Variants in SP100 observed in about 807,000 individuals in gnomAD.
The protein encoded by SP100 is nuclear autoantigen Sp-100.
Under a neutral mutation model 130.0 loss-of-function variants are expected in SP100, and 84 were observed. The ratio of observed to expected loss-of-function variants is 0.65; its 90% CI spans 0.54 to 0.77. SP100 has a LOEUF of 0.77. Ranked by LOEUF, SP100 falls within the 30% of genes least tolerant of loss-of-function variation. The pLI is 0.00. For synonymous variants in SP100, 331 were observed against 351.7 expected (o/e 0.94, Z 0.66); for missense variants, 978 against 1,052.2 (o/e 0.93, Z 0.97).
intron 24 of SP100, among the ~76,000 whole-genome samples, chr2:230,534,007 TTTGA>T (rs1691818428): frequency 6.6e-6 from 1 of 152,204 alleles, no homozygotes; most frequent in Non-Finnish European, 1.5e-5. Context: ...TTATTTACCT[TTTGA>T]ATAACTACAG....
At chr2:230,525,777 C>A (rs1385804971) in intron 24 of SP100, among the ~76,000 whole-genome samples, 1 of 152,260 alleles carries the variant, frequency 6.6e-6, no homozygotes, top group Non-Finnish European at 1.5e-5. Context: ...CCCGCACCCA[C>A]AGAGCCTTGC....
At chr2:230,455,635 G>T (rs2064238674) in intron 8 of SP100, among the ~76,000 whole-genome samples, 1 of 152,054 alleles carries the variant, frequency 6.6e-6, no homozygotes, top group South Asian at 2.1e-4. Flanking sequence ...ATTACTGATA[G>T]GTAAGTACTT....
intron 10 of SP100, 37 bp downstream of exon 10, chr2:230,462,555 G>T: frequency 1.3e-6 from 2 of 1,485,592 alleles, no homozygotes; most frequent in African/African-American, 2.8e-5. Context: ...TGGGCTGTGG[G>T]AATCTGATTT....
At chr2:230,534,586 A>C (rs552189933) in intron 24 of SP100, among the ~76,000 whole-genome samples, 1 of 152,354 alleles carries the variant, frequency 6.6e-6, no homozygotes, top group South Asian at 2.1e-4. Flanking sequence ...AGGTTCCCTG[A>C]AGTTCAAGAG....
chr2:230,460,154 C>T (rs2064510315), intron 8 of SP100, among the ~76,000 whole-genome samples: 1 of 152,120 alleles, frequency 6.6e-6, no homozygotes, highest in Non-Finnish European at 1.5e-5. Flanking sequence ...TCAGCAGAAA[C>T]CAACAGAAAT....
In SP100 at chr2:230,522,606, A is replaced by C. The variant is rs1691228326; in HGVS notation, c.2094+11440A>C. ...TGGGTTCAAGCGATTCTCCTGCCTC[A>C]GCCTCCCGAGTAGCTGGGACTACAG... On this transcript the variant is annotated intron_variant, in intron 24 of 28. Transcript: ENST00000340126. 2.0e-5 allele frequency among the ~76,000 whole-genome samples: 3 copies of C among 147,512 alleles called. No individual in the cohort carries two copies. The Admixed American group carries it at 2.1e-4, about 10-fold the overall frequency.
intron 17 of SP100, among the ~76,000 whole-genome samples, chr2:230,476,785 T>G (rs1391061627): frequency 2.6e-5 from 4 of 152,226 alleles, no homozygotes; most frequent in African/African-American, 7.2e-5. Context: ...CAGGAATTTT[T>G]CATTTATTAT....
chr2:230,438,648 T>TATATATATACAC (rs1246055755), intron 2 of SP100, among the ~76,000 whole-genome samples: 22 of 127,476 alleles, frequency 1.7e-4, no homozygotes, highest in African/African-American at 4.8e-4. Flanking sequence ...TGTATATATA[T>TATATATATACAC]ACACACACAC....
chr2:230,504,293 G>T lies in SP100; in HGVS notation c.1870+3G>T. The T allele has an allele frequency of 6.6e-7, 1 of 1,524,208 alleles. No individual in the cohort carries two copies. Among genetic ancestry groups the T allele is most frequent in the Non-Finnish European group, 9.1e-7 (1 of 1,100,742 alleles). The allele number at this position is 1,524,208 out of a possible 1,614,324, so 94.4% of individuals were successfully genotyped here. A position where few individuals can be genotyped will look rare whatever the true frequency, so the allele number is the denominator to read the frequency against. On this transcript the variant is annotated splice_donor_region_variant and intron_variant, in intron 21 of 28. Transcript: ENST00000340126. ...ATATAAGGAGCGATTCAAACAAGGT[G>T]AGTTTACTGGTCCATCTACGATTTT...
Position 230,541,366 on chromosome 2 carries a change from G to A in SP100, c.2397G>A (p.Pro799=), listed in dbSNP as rs369506321. ...AAAGCTGCTTTTTCGCCTCAGAACC[G>A]TATTATGTAAGTAACAGCCAAACAA... ...DSKSCFFASE[P]YYNREGSQGP... is the part of the protein sequence containing the mutation. Residue 799 remains proline (P), a synonymous_variant, in exon 27 of 29, where the codon CCG becomes CCA. Transcript: ENST00000340126. 1.4e-4 allele frequency: 221 copies of A among 1,613,082 alleles called. No homozygotes were observed. The African/African-American group carries it at 1.6e-3, about 11-fold the overall frequency.
intron 24 of SP100, among the ~76,000 whole-genome samples, chr2:230,520,411 T>C (rs1691116894): frequency 6.6e-6 from 1 of 152,132 alleles, no homozygotes; most frequent in East Asian, 1.9e-4. Flanking sequence ...AGAGCTCCTA[T>C]TTTACACCGC....
At position 230,459,421 on chromosome 2, in the gene SP100, CT is replaced by C. The variant is rs148550497; in HGVS notation, c.821-1840del. Among the ~76,000 whole-genome samples the C allele has an allele frequency of 4.4e-3, 676 of 152,278 alleles. 5 individuals carry two copies. The highest frequency in any genetic ancestry group is 0.015 in the African/African-American group (639 of 41,534). On this transcript the variant is annotated intron_variant, in intron 8 of 28. Coordinates refer to ENST00000340126, the MANE Select transcript of SP100 (RefSeq NM_001080391.2). ...TCCACCCCCAGATTACAATAAGCCT[CT>C]CCTCAGGCATCACTTCCTCTCCATG...
intron 24 of SP100, chr2:230,515,470 A>C: frequency 6.2e-7 from 1 of 1,613,840 alleles, no homozygotes; most frequent in Non-Finnish European, 8.5e-7. Context: ...GAAGGCTGCA[A>C]AGCTGAAGGA....
chr2:230,522,473 G>GTTTTTTT (rs1553645236), intron 24 of SP100, among the ~76,000 whole-genome samples: 6 of 47,494 alleles, frequency 1.3e-4, no homozygotes, highest in African/African-American at 2.5e-4. Flanking sequence ...TGGCCCCAGT[G>GTTTTTTT]TTCTTTTTTT....
intron 2 of SP100, among the ~76,000 whole-genome samples, chr2:230,438,663 AC>A: frequency 6.6e-6 from 1 of 151,254 alleles, no homozygotes; most frequent in Non-Finnish European, 1.5e-5. Flanking sequence ...ACACACACAC[AC>A]ACACACACAC....
intron 12 of SP100, 69 bp from the exon 13 acceptor site, chr2:230,467,051 A>C (rs2064997452): frequency 3.8e-6 from 4 of 1,061,250 alleles, no homozygotes; most frequent in Non-Finnish European, 4.3e-6. Context: ...CTTTTCATAG[A>C]ATATTATTCT....
intron 22 of SP100, 26 bp downstream of exon 22, chr2:230,506,471 C>T: frequency 6.2e-7 from 1 of 1,611,074 alleles, no homozygotes; most frequent in Non-Finnish European, 8.5e-7. Context: ...ATGGCTGAAA[C>T]CAAGGATTTA....
At chr2:230,526,739 T>C (rs1171090814) in intron 24 of SP100, among the ~76,000 whole-genome samples, 2 of 152,182 alleles carry the variant, frequency 1.3e-5, no homozygotes, top group Non-Finnish European at 2.9e-5. Context: ...AATGACCTGA[T>C]GGAGCTGAAA....
At chr2:230,506,775 T>C (rs941095294) in intron 22 of SP100, 10 of 218,980 alleles carry the variant, frequency 4.6e-5, no homozygotes, top group Non-Finnish European at 8.6e-5. Flanking sequence ...GGGAGGTAAA[T>C]GTTAAATACA....
Sources: allele counts gnomAD v4.1 joint callset (sites outside exome capture counted in the v4.1 genomes callset), GRCh38; gene constraint gnomAD v4.1.1; transcripts MANE v1.5; gene names NCBI Gene and HGNC (gene_info 2026-07-23, HGNC 2026-07-21).